Variants in FER1L6 observed in about 807,000 individuals in gnomAD.
FER1L6 encodes fer-1-like protein 6.
FER1L6 carries 177 observed loss-of-function variants against 219.2 expected under a neutral mutation model. The ratio of observed to expected loss-of-function variants is 0.81; its 90% CI spans 0.71 to 0.91. The LOEUF is 0.91. FER1L6 is among the 40% of genes least tolerant of loss of function. FER1L6 has a pLI of 0.00. For missense variants in FER1L6, 2,153 were observed against 2,259.9 expected, an observed-to-expected ratio of 0.95 and a Z score of 0.96; for synonymous variants, 768 against 824.3, an observed-to-expected ratio of 0.93 and a Z score of 1.17.
At chr8:123,981,262 C>T (rs540864096) in intron 11 of FER1L6, among the ~76,000 whole-genome samples, 1 of 152,114 alleles carries the variant, frequency 6.6e-6, no homozygotes, top group African/African-American at 2.4e-5. Context: ...ACTCCCCTAC[C>T]CCAAACCTGT....
At chr8:124,026,854 A>C (rs1442949430) in intron 18 of FER1L6, among the ~76,000 whole-genome samples, 1 of 152,224 alleles carries the variant, frequency 6.6e-6, no homozygotes, top group Admixed American at 6.5e-5. Context: ...ACTGTAACAA[A>C]GTAGCATAAA....
At chr8:123,968,814 T>C (rs567390710) in intron 5 of FER1L6, among the ~76,000 whole-genome samples, 4 of 152,344 alleles carry the variant, frequency 2.6e-5, no homozygotes, top group African/African-American at 9.6e-5. Flanking sequence ...TTTTGCTTTT[T>C]CTGTTTTGCC....
intron 13 of FER1L6, among the ~76,000 whole-genome samples, chr8:124,004,452 C>T (rs770767779): frequency 7.2e-5 from 11 of 152,178 alleles, no homozygotes; most frequent in Admixed American, 2.0e-4. Context: ...CTACGCTCCT[C>T]AGTCCCTCTG....
chr8:124,086,886 T>C (rs1821807499), intron 33 of FER1L6, among the ~76,000 whole-genome samples: 1 of 152,210 alleles, frequency 6.6e-6, no homozygotes, highest in Admixed American at 6.5e-5. Context: ...TTTTTTTTCC[T>C]TCAGTACTTT....
intron 1 of FER1L6, among the ~76,000 whole-genome samples, chr8:123,864,740 A>T (rs955864559): frequency 4.0e-5 from 6 of 149,068 alleles, no homozygotes; most frequent in African/African-American, 7.7e-5. Flanking sequence ...TTCATCTTCC[A>T]TTGCTGATAC....
At chr8:124,089,497 T>C (rs1255769948) in intron 33 of FER1L6, among the ~76,000 whole-genome samples, 1 of 152,248 alleles carries the variant, frequency 6.6e-6, no homozygotes, top group Non-Finnish European at 1.5e-5. Flanking sequence ...TGATCTTGTG[T>C]GTATAATTTC....
Position 123,986,133 on chromosome 8 carries a change from C to T in FER1L6, c.1476C>T (p.Asp492=). Residue 492 remains aspartate, a synonymous_variant, in exon 12 of 41, where the codon GAC becomes GAT. Coordinates refer to ENST00000522917, the MANE Select transcript of FER1L6 (RefSeq NM_001039112.2). ...CATTTTTTGAAGCTACCATGATTGACCGGAAGATTGGAGATAAACCCATCA... is the reference window on the plus strand; with the variant it reads ...CATTTTTTGAAGCTACCATGATTGATCGGAAGATTGGAGATAAACCCATCA... ...FGAFFEATMI[D]RKIGDKPISF... 1 of 1,613,514 alleles carries T rather than the reference C, an allele frequency of 6.2e-7. No individual in the cohort carries two copies. Among genetic ancestry groups the T allele is most frequent in the Non-Finnish European group, 8.5e-7 (1 of 1,179,510 alleles).
At position 123,975,300 on chromosome 8, in the gene FER1L6, T is replaced by C. The variant is rs1816021224; in HGVS notation, c.677T>C (p.Ile226Thr). Residue 226 changes from isoleucine to threonine, a missense_variant, in exon 8 of 41, where the codon ATA (isoleucine) becomes ACA (threonine). Physicochemically the swap from Ile to Thr is moderately conservative, Grantham distance 89 (BLOSUM62 -1). Transcript: ENST00000522917. ...SPKTSDTEEP[I>T]EKNLLIPNGF... ...AAAACTTCTGACACCGAGGAGCCAA[T>C]AGAAAAGTAAGACAGGTCCATCCTG... is the stretch of plus-strand genomic sequence containing the variant. 1 of 1,608,008 alleles carries C rather than the reference T, an allele frequency of 6.2e-7. No homozygotes were observed. Among genetic ancestry groups the C allele is most frequent in the African/African-American group, 1.3e-5 (1 of 74,822 alleles).
At chr8:123,861,297 T>A (rs1180889875) in intron 1 of FER1L6, among the ~76,000 whole-genome samples, 3 of 132,754 alleles carry the variant, frequency 2.3e-5, no homozygotes, top group African/African-American at 9.2e-5. Flanking sequence ...GTTGTAGGTA[T>A]GCGGCGTTAT....
intron 34 of FER1L6, 103 bp from the exon 35 acceptor site, chr8:124,094,793 T>C: frequency 7.6e-7 from 1 of 1,314,144 alleles, no homozygotes; most frequent in Non-Finnish European, 1.1e-6. Flanking sequence ...AGCCCCTTGG[T>C]ACATTTAAAT....
At chr8:123,892,935 C>T (rs1812675443) in intron 1 of FER1L6, among the ~76,000 whole-genome samples, 1 of 152,088 alleles carries the variant, frequency 6.6e-6, no homozygotes, top group South Asian at 2.1e-4. Flanking sequence ...TAGTGTTTAA[C>T]TTACTTTGGG....
At chr8:123,970,419 AGTTT>A (rs1176576710) in intron 6 of FER1L6, among the ~76,000 whole-genome samples, 1 of 152,034 alleles carries the variant, frequency 6.6e-6, no homozygotes. Flanking sequence ...TGTCAGTTTT[AGTTT>A]GTTTTTTTTT....
At chr8:123,863,163 G>A (rs1816773724) in intron 1 of FER1L6, among the ~76,000 whole-genome samples, 2 of 104,310 alleles carry the variant, frequency 1.9e-5, no homozygotes, top group East Asian at 4.7e-4. Context: ...GCATCCCAGA[G>A]ATTCTGGTAT....
At position 123,853,351 on chromosome 8, in the gene FER1L6, C is replaced by T. The variant is rs1166629446; in HGVS notation, c.-8+1166C>T. ...TGTATTTTTAGAGAAGACGGGGTTT[C>T]ACCATGACGGCCAGGATGGTCTCAA... On this transcript the variant is annotated intron_variant, in intron 1 of 40. Transcript: ENST00000522917. This position sits in a 1 kb window ranked among gnomAD's most constrained non-coding sequence, Gnocchi z 6.6. Among the ~76,000 whole-genome samples the T allele has an allele frequency of 6.6e-6, 1 of 152,112 alleles. No individual in the cohort carries two copies. The highest frequency in any genetic ancestry group is 1.5e-5 in the Non-Finnish European group (1 of 68,026).
rs142116116 is a variant in FER1L6, at chr8:123,857,018, C to A, written c.-8+4833C>A. Among the ~76,000 whole-genome samples, 420 of 152,074 alleles carry A rather than the reference C, an allele frequency of 2.8e-3. 2 individuals carry two copies. Among genetic ancestry groups the A allele is most frequent in the African/African-American group, 9.9e-3 (410 of 41,488 alleles). On this transcript the variant is annotated intron_variant, in intron 1 of 40. Coordinates refer to ENST00000522917, the MANE Select transcript of FER1L6 (RefSeq NM_001039112.2). The stretch of plus-strand genomic sequence containing the variant: ...CCTGGGTATCCTCATTGACACAGTG[C>A]CTGATTTATGGAAAGTCTGAACTCC...
chr8:124,047,151 C>G (rs1460198408), intron 21 of FER1L6, among the ~76,000 whole-genome samples: 1 of 152,048 alleles, frequency 6.6e-6, no homozygotes, highest in African/African-American at 2.4e-5. Flanking sequence ...TCTTTGAACA[C>G]TCTACTAGGA....
intron 12 of FER1L6, among the ~76,000 whole-genome samples, chr8:123,996,678 T>G (rs1817148610): frequency 6.6e-6 from 1 of 152,130 alleles, no homozygotes; most frequent in Non-Finnish European, 1.5e-5. Flanking sequence ...TTATTTGTTT[T>G]CTGGTTGTTT....
Position 124,060,729 on chromosome 8 carries a change from C to T in FER1L6, c.3147+20C>T, listed in dbSNP as rs761333062. 3 of 1,607,564 alleles carry T rather than the reference C, an allele frequency of 1.9e-6. No individual in the cohort carries two copies. Among genetic ancestry groups the T allele is most frequent in the East Asian group, 2.2e-5 (1 of 44,624 alleles). ...GAAGTGGTGCGAGCTTCTCACTCTC[C>T]CGACCTGGCTCATTCCTCTTTTTTG... On this transcript the variant is annotated intron_variant, in intron 24 of 40. Transcript: ENST00000522917.
chr8:124,116,389 T>C (rs1447703439), intron 39 of FER1L6, among the ~76,000 whole-genome samples: 2 of 151,900 alleles, frequency 1.3e-5, no homozygotes, highest in African/African-American at 2.4e-5. Context: ...TAAAGTGCGA[T>C]AGCCAAAAAG....
Sources: allele counts gnomAD v4.1 joint callset (sites outside exome capture counted in the v4.1 genomes callset), GRCh38; gene constraint gnomAD v4.1.1; non-coding constraint Gnocchi (gnomAD v3.1); transcripts MANE v1.5; gene names NCBI Gene and HGNC (gene_info 2026-07-23, HGNC 2026-07-21).